GRIN3A: variants seen among roughly 807,000 people sequenced by gnomAD.
The protein encoded by GRIN3A is glutamate ionotropic receptor NMDA type subunit 3A.
Under a neutral mutation model 92.4 loss-of-function variants are expected in GRIN3A, and 47 were observed. The observed-to-expected ratio is 0.51, with a 90% CI of 0.40 to 0.65. The LOEUF (loss-of-function observed/expected upper bound fraction) is 0.65, where lower values mean the gene tolerates loss of function less well. Among genes scored for constraint, GRIN3A ranks in the 30% least tolerant of loss-of-function variants. The pLI is 0.00. For synonymous variants in GRIN3A, 527 were observed against 540.6 expected, an observed-to-expected ratio of 0.97 and a Z score of 0.35; for missense variants, 1,324 against 1,393.1, an observed-to-expected ratio of 0.95 and a Z score of 0.79.
At chr9:101,664,750 C>T (rs529061232) in intron 3 of GRIN3A, among the ~76,000 whole-genome samples, 37 of 152,028 alleles carry the variant, frequency 2.4e-4, no homozygotes, top group Admixed American at 6.6e-4. Context: ...AATGAATTTC[C>T]GCCCTAAAAT....
intron 8 of GRIN3A, among the ~76,000 whole-genome samples, chr9:101,577,357 A>G (rs1034255289): frequency 3.9e-5 from 6 of 152,226 alleles, no homozygotes; most frequent in African/African-American, 1.2e-4. Context: ...GCTAATATTT[A>G]TTAGGCATTT....
intron 8 of GRIN3A, among the ~76,000 whole-genome samples, chr9:101,573,845 C>T (rs1827793964): frequency 7.0e-6 from 1 of 142,252 alleles, no homozygotes; most frequent in African/African-American, 2.6e-5. Flanking sequence ...AAGGGAAGCT[C>T]AGAAACTAGC....
At chr9:101,698,665 T>C (rs914897652) in intron 1 of GRIN3A, among the ~76,000 whole-genome samples, 10 of 151,966 alleles carry the variant, frequency 6.6e-5, no homozygotes, top group African/African-American at 2.4e-4. Flanking sequence ...CTACACAAAG[T>C]TTATTTATTT....
chr9:101,669,780 A>T (rs1829292816), intron 3 of GRIN3A, among the ~76,000 whole-genome samples: 1 of 152,120 alleles, frequency 6.6e-6, no homozygotes, highest in Admixed American at 6.6e-5. Context: ...TCAGATGGTC[A>T]AATAATACAA....
At chr9:101,615,646 C>T (rs542288073) in intron 5 of GRIN3A, among the ~76,000 whole-genome samples, 2 of 152,250 alleles carry the variant, frequency 1.3e-5, no homozygotes, top group South Asian at 2.1e-4. Context: ...TGAACCACTG[C>T]GCCCGGCCTA....
chr9:101,702,437 A>G (rs1439381679), intron 1 of GRIN3A, among the ~76,000 whole-genome samples: 3 of 152,188 alleles, frequency 2.0e-5, no homozygotes, highest in African/African-American at 4.8e-5. Flanking sequence ...CAGTGTACAT[A>G]TGACTCACCT....
intron 8 of GRIN3A, among the ~76,000 whole-genome samples, chr9:101,575,538 A>G (rs1192364064): frequency 6.6e-6 from 1 of 152,196 alleles, no homozygotes; most frequent in Non-Finnish European, 1.5e-5. Flanking sequence ...GAATAAACCC[A>G]GGGCTATATA....
chr9:101,724,891 A>G (rs747447562), intron 1 of GRIN3A, among the ~76,000 whole-genome samples: 3 of 152,202 alleles, frequency 2.0e-5, no homozygotes, highest in Non-Finnish European at 4.4e-5. Flanking sequence ...GAACTAATAC[A>G]GTACATGTTT....
intron 1 of GRIN3A, among the ~76,000 whole-genome samples, chr9:101,691,438 G>T (rs1162436493): frequency 6.6e-6 from 1 of 152,114 alleles, no homozygotes; most frequent in Non-Finnish European, 1.5e-5. Context: ...TGTAGGGGTT[G>T]GGAGAGACGA....
At chr9:101,690,779 A>C (rs2118985287) in intron 1 of GRIN3A, among the ~76,000 whole-genome samples, 1 of 152,342 alleles carries the variant, frequency 6.6e-6, no homozygotes, top group Admixed American at 6.5e-5. Context: ...AGGTACTAAT[A>C]GGTACTAATG....
At chr9:101,634,996 A>G (rs1828766538) in intron 3 of GRIN3A, among the ~76,000 whole-genome samples, 1 of 152,198 alleles carries the variant, frequency 6.6e-6, no homozygotes, top group Non-Finnish European at 1.5e-5. Context: ...TATTTTTTCT[A>G]ATGTGAATTA....
chr9:101,701,844 C>G (rs1172592868), intron 1 of GRIN3A, among the ~76,000 whole-genome samples: 3 of 152,238 alleles, frequency 2.0e-5, no homozygotes, highest in East Asian at 3.9e-4. Flanking sequence ...CTCTTACCTC[C>G]CCAATGACCT....
At chr9:101,577,738 TA>T in intron 8 of GRIN3A, 29 bp downstream of exon 8, 1 of 1,477,304 alleles carries the variant, frequency 6.8e-7, no homozygotes, top group Non-Finnish European at 9.5e-7. Context: ...TTTACAAATA[TA>T]AAGACAGTTG....
At chr9:101,695,408 G>A (rs1204496755) in intron 1 of GRIN3A, among the ~76,000 whole-genome samples, 1 of 152,272 alleles carries the variant, frequency 6.6e-6, no homozygotes, top group East Asian at 1.9e-4. Flanking sequence ...TAAGACAGTA[G>A]CAGACAAGAA....
chr9:101,620,919 C>T (rs55649980), intron 5 of GRIN3A, among the ~76,000 whole-genome samples: 1 of 151,936 alleles, frequency 6.6e-6, no homozygotes, highest in Non-Finnish European at 1.5e-5. Context: ...GAAATTATTT[C>T]TCTCAATTAA....
At chr9:101,678,383 A>G (rs1280684938) in intron 2 of GRIN3A, among the ~76,000 whole-genome samples, 1 of 152,186 alleles carries the variant, frequency 6.6e-6, no homozygotes, top group Admixed American at 6.5e-5. Flanking sequence ...TCTGATGAGA[A>G]GGAGTTTAAT....
chr9:101,699,205 C>T (rs1829723765), intron 1 of GRIN3A, among the ~76,000 whole-genome samples: 1 of 151,866 alleles, frequency 6.6e-6, no homozygotes, highest in Non-Finnish European at 1.5e-5. Flanking sequence ...CAGATATTAG[C>T]CTAGGCCTAC....
Position 101,696,166 on chromosome 9 carries a change from G to T in GRIN3A, c.700-8966C>A, listed in dbSNP as rs560809878. Among the ~76,000 whole-genome samples the T allele has an allele frequency of 2.0e-5, 3 of 152,262 alleles. No individual in the cohort carries two copies. The South Asian group carries it at 6.2e-4, about 32-fold the overall frequency. The stretch of plus-strand genomic sequence containing the variant: ...GGACTCTTGTCAGGAACTTGGACTT[G>T]CATTTTTCAACTTTGAAAGGGGAAT... On this transcript the variant is annotated intron_variant, in intron 1 of 8. Coordinates refer to ENST00000361820, the MANE Select transcript of GRIN3A (RefSeq NM_133445.3).
intron 1 of GRIN3A, among the ~76,000 whole-genome samples, chr9:101,726,637 C>T (rs1037537564): frequency 3.3e-5 from 5 of 151,620 alleles, no homozygotes; most frequent in African/African-American, 1.2e-4. Context: ...ATATAGAAGT[C>T]ACTACCCATA....
Sources: allele counts gnomAD v4.1 joint callset (sites outside exome capture counted in the v4.1 genomes callset), GRCh38; gene constraint gnomAD v4.1.1; transcripts MANE v1.5; gene names NCBI Gene and HGNC (gene_info 2026-07-23, HGNC 2026-07-21).